The following ZNF626 variants were observed in gnomAD, a reference collection of about 807,000 sequenced individuals.
ZNF626 encodes the protein zinc finger protein 626.
Under a neutral mutation model 11.7 loss-of-function variants are expected in ZNF626, and 4 were observed. The ratio of observed to expected loss-of-function variants is 0.34; its 90% CI spans 0.17 to 0.78. ZNF626 has a LOEUF of 0.78. ZNF626 is among the 30% of genes least tolerant of loss of function. ZNF626 has a pLI of 0.57. For synonymous variants in ZNF626, 179 were observed against 198.6 expected (o/e 0.90, Z 0.83); for missense variants, 588 against 587.1 (o/e 1.00, Z -0.01).
Position 20,623,941 on chromosome 19 carries a change from G to A in ZNF626, c.*349C>T. ...ATCTGTCACATTCTTTATATTTGTA[G>A]AGTTTATATTTCATATCAATTCTTA... On this transcript the variant is annotated 3_prime_UTR_variant, in exon 4 of 4. Coordinates refer to ENST00000601440, the MANE Select transcript of ZNF626 (RefSeq NM_001076675.3). 1 of 384,056 alleles carries A rather than the reference G, an allele frequency of 2.6e-6. No homozygotes were observed. Among genetic ancestry groups the A allele is most frequent in the South Asian group, 2.4e-5 (1 of 42,262 alleles). 23.8% of individuals were successfully genotyped at this position (384,056 alleles called of 1,614,324 possible).
At position 20,625,546 on chromosome 19, in the gene ZNF626, A is replaced by T; in HGVS notation, c.331T>A (p.Leu111Ile). Residue 111 changes from leucine (L) to isoleucine (I), a missense_variant, in exon 4 of 4, where the codon TTA (leucine) becomes ATA (isoleucine). Leu to Ile is a conservative substitution (Grantham distance 5). Around this residue, in one of 4 missense-constraint regions of ZNF626, gnomAD observed 524 missense variants for 470.1 expected, o/e 1.11. Transcript: ENST00000601440. Reference sequence around the variant, plus strand: ...CTTATACATCCTTTTTTTAACTGTAAATTGTCATGTTCACATTTTTCATAT... The same window carrying T: ...CTTATACATCCTTTTTTTAACTGTATATTGTCATGTTCACATTTTTCATAT... ...RRYEKCEHDNLQLKKGCISVD... is the reference protein window; with the variant it reads ...RRYEKCEHDNIQLKKGCISVD... 1.2e-6 allele frequency: 2 copies of T among 1,613,302 alleles called. No homozygotes were observed. The highest frequency in any genetic ancestry group is 1.7e-6 in the Non-Finnish European group (2 of 1,179,744).
chr19:20,637,040 G>GAACC (rs1969974161), intron 3 of ZNF626, among the ~76,000 whole-genome samples: 1 of 87,568 alleles, frequency 1.1e-5, no homozygotes, highest in Non-Finnish European at 2.1e-5. Context: ...AAAAAAAAAG[G>GAACC]CCCAGTGCAA....
intron 3 of ZNF626, chr19:20,645,284 C>T (rs1970063052): frequency 6.7e-7 from 1 of 1,488,714 alleles, no homozygotes; most frequent in African/African-American, 1.5e-5. Flanking sequence ...TACTCTCAGA[C>T]ATTTCAGATC....
chr19:20,641,518 T>C (rs1555771459), intron 3 of ZNF626, among the ~76,000 whole-genome samples: 1 of 152,184 alleles, frequency 6.6e-6, no homozygotes, highest in Non-Finnish European at 1.5e-5. Context: ...TATTGAGTTT[T>C]AGTTTTGCAA....
chr19:20,660,533 T>C (rs112620010), intron 1 of ZNF626, among the ~76,000 whole-genome samples: 3,692 of 152,248 alleles, frequency 0.024, 163 homozygotes, highest in African/African-American at 0.086. Context: ...TTCAAGCAAT[T>C]CTCGTGCCTC....
chr19:20,639,944 T>C (rs1970005298), intron 3 of ZNF626, among the ~76,000 whole-genome samples: 1 of 152,048 alleles, frequency 6.6e-6, no homozygotes, highest in Admixed American at 6.6e-5. Context: ...AGTTAAAAGC[T>C]ACAGAACATA....
At chr19:20,630,041 T>A (rs1555770209) in intron 3 of ZNF626, among the ~76,000 whole-genome samples, 2 of 152,196 alleles carry the variant, frequency 1.3e-5, no homozygotes. Context: ...GATAATCATG[T>A]GGTTTTTGTC....
chr19:20,630,957 G>T (rs1351143783), intron 3 of ZNF626, among the ~76,000 whole-genome samples: 1 of 151,618 alleles, frequency 6.6e-6, no homozygotes, highest in African/African-American at 2.4e-5. Flanking sequence ...GTGTCCCAGA[G>T]ATTCTGGTAT....
At chr19:20,631,919 G>A (rs1314048019) in intron 3 of ZNF626, among the ~76,000 whole-genome samples, 3 of 151,886 alleles carry the variant, frequency 2.0e-5, no homozygotes, top group African/African-American at 7.2e-5. Context: ...TTTTGCAGCG[G>A]CTGGTACCGG....
intron 1 of ZNF626, among the ~76,000 whole-genome samples, chr19:20,659,462 A>G (rs1215969421): frequency 6.6e-6 from 1 of 152,132 alleles, no homozygotes; most frequent in Non-Finnish European, 1.5e-5. Flanking sequence ...GCTGGTCTCA[A>G]GCTCCTGACT....
chr19:20,622,579 T>C lies in ZNF626; in HGVS notation c.*1711A>G, dbSNP rs918368032. ...AAGTAACAGCATAATTTGAAAGCTG[T>C]ATTACATCATTCACTTTTCAAAAAA... is the stretch of plus-strand genomic sequence containing the variant. On this transcript the variant is annotated 3_prime_UTR_variant, in exon 4 of 4. Coordinates refer to ENST00000601440, the MANE Select transcript of ZNF626 (RefSeq NM_001076675.3). 3.8e-5 allele frequency: 2 copies of C among 53,298 alleles called. No homozygotes were observed. Among genetic ancestry groups the C allele is most frequent in the African/African-American group, 7.9e-5 (2 of 25,174 alleles). 3.3% of individuals were successfully genotyped at this position (53,298 alleles called of 1,614,324 possible).
intron 3 of ZNF626, among the ~76,000 whole-genome samples, chr19:20,641,135 C>CAAAAAAAAA (rs141617081): frequency 8.9e-6 from 1 of 111,878 alleles, no homozygotes; most frequent in Non-Finnish European, 2.0e-5. Context: ...GACTCCATCT[C>CAAAAAAAAA]AAAAAAAAAA....
chr19:20,625,518 A>G lies in ZNF626; in HGVS notation c.359T>C (p.Val120Ala), dbSNP rs1555769521. The G allele has an allele frequency of 1.2e-6, 2 of 1,613,770 alleles. No homozygotes were observed. Among genetic ancestry groups the G allele is most frequent in the Non-Finnish European group, 1.7e-6 (2 of 1,179,962 alleles). ...NLQLKKGCIS[V>A]DECKVHKEGY... ...TTCTTTGTGCACCTTACACTCATCC[A>G]CACTTATACATCCTTTTTTTAACTG... Residue 120 changes from valine (V) to alanine (A), a missense_variant, in exon 4 of 4, where the codon GTG becomes GCG. This residue lies in a region of ZNF626 where 524 missense variants were observed against 470.1 expected (regional missense o/e 1.11). Coordinates refer to ENST00000601440, the MANE Select transcript of ZNF626 (RefSeq NM_001076675.3).
intron 3 of ZNF626, among the ~76,000 whole-genome samples, chr19:20,630,380 T>C (rs1404350072): frequency 5.3e-5 from 8 of 151,660 alleles, no homozygotes; most frequent in African/African-American, 1.9e-4. Context: ...GTACCTCTGG[T>C]AGAATTCGGC....
chr19:20,635,091 G>A (rs1415316828), intron 3 of ZNF626, among the ~76,000 whole-genome samples: 2 of 152,048 alleles, frequency 1.3e-5, no homozygotes, highest in East Asian at 3.9e-4. Flanking sequence ...TAACTATTAA[G>A]ATAAATATTG....
intron 1 of ZNF626, among the ~76,000 whole-genome samples, chr19:20,651,322 C>A (rs1970143977): frequency 6.6e-6 from 1 of 151,344 alleles, no homozygotes; most frequent in South Asian, 2.1e-4. Flanking sequence ...ATTTGTTATA[C>A]CAACCATATG....
At chr19:20,656,484 TA>T (rs1196826181) in intron 1 of ZNF626, among the ~76,000 whole-genome samples, 1 of 152,042 alleles carries the variant, frequency 6.6e-6, no homozygotes, top group Non-Finnish European at 1.5e-5. Context: ...AAGGAAACTA[TA>T]AATAGCTCAA....
chr19:20,644,305 T>C (rs1292873225), intron 3 of ZNF626, among the ~76,000 whole-genome samples: 1 of 152,238 alleles, frequency 6.6e-6, no homozygotes, highest in Non-Finnish European at 1.5e-5. Flanking sequence ...TCTGCAGACC[T>C]GACTGCAAAA....
chr19:20,626,272 T>G (rs532504066), intron 3 of ZNF626, among the ~76,000 whole-genome samples: 1 of 152,198 alleles, frequency 6.6e-6, no homozygotes, highest in African/African-American at 2.4e-5. Context: ...CACAGCTACA[T>G]TATAAAGATT....
Sources: gnomAD v4.1 joint callset for allele counts (sites outside exome capture counted in the v4.1 genomes callset) on GRCh38, gnomAD v4.1.1 for gene constraint, gnomAD v4.1.1 regional missense constraint, MANE v1.5 for transcripts, NCBI Gene and HGNC (gene_info 2026-07-23, HGNC 2026-07-21) for gene names.